CNTNAP2: variants seen among roughly 807,000 people sequenced by gnomAD.
The protein encoded by CNTNAP2 is contactin associated protein 2.
A neutral mutation model predicts 155.2 loss-of-function variants in CNTNAP2; 98 were observed. The observed-to-expected ratio is 0.63, with a 90% CI of 0.54 to 0.75. CNTNAP2 has a LOEUF of 0.75. Among genes scored for constraint, CNTNAP2 ranks in the 30% least tolerant of loss-of-function variants. CNTNAP2 has a pLI of 0.00. For missense variants in CNTNAP2, 1,727 were observed against 1,688.1 expected (o/e 1.02, Z -0.40); for synonymous variants, 651 against 631.2 (o/e 1.03, Z -0.47).
At chr7:146,947,406 C>CTATA (rs1212589608) in intron 3 of CNTNAP2, among the ~76,000 whole-genome samples, 10 of 131,996 alleles carry the variant, frequency 7.6e-5, no homozygotes, top group Non-Finnish European at 1.6e-4. Context: ...CTCTCTCTCT[C>CTATA]TCTCTATATA....
At chr7:147,018,302 A>C (rs1798760749) in intron 3 of CNTNAP2, among the ~76,000 whole-genome samples, 1 of 152,088 alleles carries the variant, frequency 6.6e-6, no homozygotes, top group East Asian at 1.9e-4. Flanking sequence ...TTGAAAACTG[A>C]AACATAGTGA....
chr7:147,378,158 G>A (rs1001196746), intron 9 of CNTNAP2: 8 of 282,352 alleles, frequency 2.8e-5, no homozygotes, highest in Non-Finnish European at 5.0e-5. Flanking sequence ...TATATTTAAT[G>A]TTTCTAAGTT....
In CNTNAP2 at chr7:147,387,180, C is replaced by T. The variant is rs535979153; in HGVS notation, c.1499-8429C>T. 6.6e-5 allele frequency among the ~76,000 whole-genome samples: 10 copies of T among 152,272 alleles called. No homozygotes were observed. The East Asian group carries it at 9.7e-4, about 15-fold the overall frequency. On this transcript the variant is annotated intron_variant, in intron 9 of 23. Coordinates refer to ENST00000361727, the MANE Select transcript of CNTNAP2 (RefSeq NM_014141.6). ...CAATTCAAGATGAGAGTTGGATGGG[C>T]ACACAGCCAAACCATATCAGTCCTT... is the stretch of plus-strand genomic sequence containing the variant.
intron 11 of CNTNAP2, among the ~76,000 whole-genome samples, chr7:147,502,754 T>C (rs1798841609): frequency 6.6e-6 from 1 of 151,482 alleles, no homozygotes; most frequent in Admixed American, 6.6e-5. Context: ...TATATATATA[T>C]ATATAAAACA....
intron 1 of CNTNAP2, among the ~76,000 whole-genome samples, chr7:146,448,817 C>T (rs1056462634): frequency 2.0e-5 from 3 of 152,054 alleles, no homozygotes; most frequent in Non-Finnish European, 2.9e-5. Context: ...TAGTTAAAAA[C>T]GTCACCCATC....
At chr7:147,767,443 A>G (rs1422013815) in intron 13 of CNTNAP2, among the ~76,000 whole-genome samples, 2 of 152,088 alleles carry the variant, frequency 1.3e-5, no homozygotes, top group Non-Finnish European at 2.9e-5. Flanking sequence ...GGATGCCACA[A>G]ATGTAAGTTG....
At chr7:146,188,267 C>T (rs1233262029) in intron 1 of CNTNAP2, among the ~76,000 whole-genome samples, 10 of 152,168 alleles carry the variant, frequency 6.6e-5, no homozygotes, top group African/African-American at 2.2e-4. Context: ...AGATTTGAAA[C>T]AGTACAGTGA....
At chr7:147,422,833 AT>A (rs1797317696) in intron 10 of CNTNAP2, among the ~76,000 whole-genome samples, 1 of 152,162 alleles carries the variant, frequency 6.6e-6, no homozygotes, top group Non-Finnish European at 1.5e-5. Context: ...ACTTGAACAT[AT>A]TTTTAAGCTC....
chr7:148,254,571 T>C (rs890444573), intron 20 of CNTNAP2, among the ~76,000 whole-genome samples: 1 of 152,072 alleles, frequency 6.6e-6, no homozygotes, highest in South Asian at 2.1e-4. Context: ...GGTCAGGAGA[T>C]CGAGACCATC....
intron 1 of CNTNAP2, among the ~76,000 whole-genome samples, chr7:146,244,302 G>A (rs192037952): frequency 6.6e-6 from 1 of 152,206 alleles, no homozygotes; most frequent in Admixed American, 6.5e-5. Context: ...AGTGTAAACC[G>A]GCAGTGTAAA....
chr7:147,640,063 A>T (rs1185667645), intron 13 of CNTNAP2, among the ~76,000 whole-genome samples: 1 of 151,982 alleles, frequency 6.6e-6, no homozygotes, highest in East Asian at 1.9e-4. Flanking sequence ...CAACCTTACC[A>T]CTTCCCAAGT....
rs115674101 is a variant in CNTNAP2, at chr7:147,967,905, A to G, written c.2256-9957A>G. 6.9e-3 allele frequency among the ~76,000 whole-genome samples: 1,054 copies of G among 152,334 alleles called. 12 individuals are homozygous for G. Among genetic ancestry groups the G allele is most frequent in the African/African-American group, 0.024 (1,017 of 41,568 alleles). The stretch of plus-strand genomic sequence containing the variant: ...AAATAATAAGCCCCAATTACAGAAA[A>G]AAAAAGATACTAAAAATATTTCAAG... On this transcript the variant is annotated intron_variant, in intron 14 of 23. Transcript: ENST00000361727.
At chr7:146,588,751 G>A (rs1328984619) in intron 1 of CNTNAP2, among the ~76,000 whole-genome samples, 5 of 151,996 alleles carry the variant, frequency 3.3e-5, no homozygotes, top group African/African-American at 9.6e-5. Flanking sequence ...TCAAGCTATC[G>A]GCCGGCCTGT....
At chr7:148,137,729 G>GAAGGA (rs1804989156) in intron 16 of CNTNAP2, among the ~76,000 whole-genome samples, 1 of 139,502 alleles carries the variant, frequency 7.2e-6, no homozygotes, top group African/African-American at 2.7e-5. Flanking sequence ...AGGAAGGAAG[G>GAAGGA]AAGGAAGGTT....
At chr7:146,417,400 C>T (rs1472431314) in intron 1 of CNTNAP2, among the ~76,000 whole-genome samples, 1 of 152,136 alleles carries the variant, frequency 6.6e-6, no homozygotes, top group Admixed American at 6.6e-5. Context: ...CATAGATTTG[C>T]ATGCTAAGTA....
At chr7:146,199,079 A>G (rs888615910) in intron 1 of CNTNAP2, among the ~76,000 whole-genome samples, 4 of 152,104 alleles carry the variant, frequency 2.6e-5, no homozygotes, top group Non-Finnish European at 5.9e-5. Context: ...CCAAATAATG[A>G]TGGTTGTAAC....
chr7:147,803,631 G>A (rs1360379507), intron 13 of CNTNAP2, among the ~76,000 whole-genome samples: 8 of 152,174 alleles, frequency 5.3e-5, no homozygotes, highest in African/African-American at 2.4e-5. Flanking sequence ...CTGGGGCTGC[G>A]AAAGGGAGTC....
At chr7:146,253,598 G>A (rs1799789980) in intron 1 of CNTNAP2, among the ~76,000 whole-genome samples, 1 of 152,172 alleles carries the variant, frequency 6.6e-6, no homozygotes, top group African/African-American at 2.4e-5. Flanking sequence ...AATCTCAATA[G>A]CCAAACTGAG....
chr7:148,319,973 C>A (rs1797761271), intron 21 of CNTNAP2, among the ~76,000 whole-genome samples: 1 of 152,078 alleles, frequency 6.6e-6, no homozygotes, highest in African/African-American at 2.4e-5. Flanking sequence ...AAGACTGGTC[C>A]CTGGTGCCAA....
Sources: gnomAD v4.1 joint callset for allele counts (sites outside exome capture counted in the v4.1 genomes callset) on GRCh38, gnomAD v4.1.1 for gene constraint, MANE v1.5 for transcripts, NCBI Gene and HGNC (gene_info 2026-07-23, HGNC 2026-07-21) for gene names.